Variants in GNB1 observed in about 807,000 individuals in gnomAD.
GNB1 encodes guanine nucleotide-binding protein G(I)/G(S)/G(T) subunit beta-1.
A neutral mutation model predicts 42.9 loss-of-function variants in GNB1; 2 were observed. That is an observed-to-expected ratio of 0.05 (90% CI 0.02 to 0.15). The LOEUF (loss-of-function observed/expected upper bound fraction) is 0.15. Among genes scored for constraint, GNB1 ranks in the 10% least tolerant of loss-of-function variants. The probability of loss-of-function intolerance (pLI) is 1.00; values close to 1 mark genes in which losing one functional copy is unlikely to be tolerated. For missense variants in GNB1, 193 were observed against 462.2 expected (o/e 0.42, Z 5.34); for synonymous variants, 183 against 174.7 (o/e 1.05, Z -0.38).
At chr1:1,871,623 C>T (rs946609595) in intron 1 of GNB1, among the ~76,000 whole-genome samples, 2 of 152,186 alleles carry the variant, frequency 1.3e-5, no homozygotes, top group Non-Finnish European at 2.9e-5. Context: ...ACCAAGACTT[C>T]CAGACTGGAC....
intron 1 of GNB1, among the ~76,000 whole-genome samples, chr1:1,847,620 C>G (rs1478676135): frequency 6.6e-6 from 1 of 152,184 alleles, no homozygotes; most frequent in Non-Finnish European, 1.5e-5. Flanking sequence ...AAGGATTATC[C>G]TGCTGAAGAT....
intron 1 of GNB1, among the ~76,000 whole-genome samples, chr1:1,845,426 A>G (rs1487894362): frequency 6.6e-6 from 1 of 152,108 alleles, no homozygotes; most frequent in African/African-American, 2.4e-5. Context: ...ACAAAAAATT[A>G]GCCAGGTGGG....
chr1:1,870,486 G>A (rs575634810), intron 1 of GNB1, among the ~76,000 whole-genome samples: 9 of 152,278 alleles, frequency 5.9e-5, no homozygotes, highest in Non-Finnish European at 1.0e-4. Context: ...TAATCAGCCC[G>A]TCTTGTTTAA....
intron 1 of GNB1, among the ~76,000 whole-genome samples, chr1:1,867,064 C>T (rs1190873844): frequency 1.3e-5 from 2 of 152,024 alleles, no homozygotes; most frequent in Non-Finnish European, 1.5e-5. Flanking sequence ...GTCAGGAGTT[C>T]GAGACCAGCC....
rs35466451 is a variant in GNB1, at chr1:1,820,356, TAAAAAAAAAA to T, written c.58-2491_58-2482del. ...CCGGGCAACAGAGCGAGACTCTGTT[TAAAAAAAAAA>T]AAAAAAAAAAAAAAGGAACTATACT... On this transcript the variant is annotated intron_variant, in intron 3 of 11. Transcript: ENST00000378609. Among the ~76,000 whole-genome samples, 5 of 101,870 alleles carry T rather than the reference TAAAAAAAAAA, an allele frequency of 4.9e-5. No individual in the cohort carries two copies. In the East Asian group the frequency reaches 1.2e-3, roughly 24 times the overall value. The allele number at this position is 101,870 out of a possible 152,430, so 66.8% of individuals were successfully genotyped here. A position where few individuals can be genotyped will look rare whatever the true frequency, so the allele number is the denominator to read the frequency against.
intron 1 of GNB1, among the ~76,000 whole-genome samples, chr1:1,841,682 T>C (rs2101234988): frequency 6.6e-6 from 1 of 152,310 alleles, no homozygotes; most frequent in East Asian, 1.9e-4. Flanking sequence ...AACTGTGAAT[T>C]CTAATTCATT....
intron 1 of GNB1, among the ~76,000 whole-genome samples, chr1:1,867,862 C>T (rs1649030615): frequency 6.6e-6 from 1 of 152,158 alleles, no homozygotes; most frequent in Non-Finnish European, 1.5e-5. Context: ...CATGACAAAC[C>T]ATCCATTCCC....
intron 3 of GNB1, among the ~76,000 whole-genome samples, chr1:1,820,812 A>G (rs181570424): frequency 3.9e-4 from 60 of 152,336 alleles, no homozygotes; most frequent in African/African-American, 1.4e-3. Flanking sequence ...TAAAAACAAC[A>G]CACAGATAAC....
At chr1:1,838,441 TTTC>T (rs1199144527) in intron 2 of GNB1, among the ~76,000 whole-genome samples, 3 of 143,670 alleles carry the variant, frequency 2.1e-5, no homozygotes, top group African/African-American at 5.1e-5. Flanking sequence ...CTTACTTTTT[TTTC>T]TTTTCTTTTT....
intron 2 of GNB1, among the ~76,000 whole-genome samples, chr1:1,829,998 C>A (rs989485700): frequency 3.9e-5 from 6 of 152,236 alleles, no homozygotes; most frequent in Admixed American, 3.3e-4. Flanking sequence ...CCTCGGCCTC[C>A]CAAAGTGCTG....
At chr1:1,884,830 C>T (rs556665985) in intron 1 of GNB1, among the ~76,000 whole-genome samples, 98 of 151,920 alleles carry the variant, frequency 6.5e-4, no homozygotes, top group Non-Finnish European at 1.1e-3. Context: ...CTACAGGTGC[C>T]TGCCACCACG....
At chr1:1,796,689 A>T (rs1646551008) in intron 7 of GNB1, among the ~76,000 whole-genome samples, 1 of 152,162 alleles carries the variant, frequency 6.6e-6, no homozygotes. Flanking sequence ...GGGAAAACAG[A>T]CCCTGAACAA....
intron 6 of GNB1, among the ~76,000 whole-genome samples, chr1:1,805,774 TCA>T (rs1371987929): frequency 1.3e-5 from 2 of 152,048 alleles, no homozygotes; most frequent in African/African-American, 4.8e-5. Context: ...ACTCCTGACC[TCA>T]GGTGATCCAC....
chr1:1,849,903 C>T (rs372444993), intron 1 of GNB1, among the ~76,000 whole-genome samples: 10 of 152,160 alleles, frequency 6.6e-5, no homozygotes, highest in African/African-American at 2.4e-4. Context: ...TTTCTTCTGC[C>T]CCGTTTTCTT....
chr1:1,831,934 C>T (rs756996454), intron 2 of GNB1, among the ~76,000 whole-genome samples: 3 of 150,794 alleles, frequency 2.0e-5, no homozygotes, highest in Non-Finnish European at 3.0e-5. Flanking sequence ...CAGTGGCACA[C>T]GCCTGTAGTC....
At chr1:1,823,565 C>A (rs1646960717) in intron 3 of GNB1, among the ~76,000 whole-genome samples, 1 of 152,128 alleles carries the variant, frequency 6.6e-6, no homozygotes, top group Admixed American at 6.5e-5. Flanking sequence ...ACATGTTAAA[C>A]AAGTCTGATC....
intron 1 of GNB1, among the ~76,000 whole-genome samples, chr1:1,885,676 C>T (rs1411780259): frequency 2.0e-5 from 3 of 150,058 alleles, no homozygotes; most frequent in Non-Finnish European, 4.4e-5. Context: ...CCTGCCTCAG[C>T]CTCCCAAGTA....
At position 1,806,503 on chromosome 1, in the gene GNB1, A is replaced by T. The variant is rs752746786; in HGVS notation, c.239T>A (p.Ile80Asn). The T allele has an allele frequency of 2.5e-6, 4 of 1,611,416 alleles. No individual in the cohort carries two copies. Among genetic ancestry groups the T allele is most frequent in the Non-Finnish European group, 2.5e-6 (3 of 1,177,774 alleles). The change falls in exon 6 of 12, where the codon ATC (isoleucine) becomes AAC (asparagine). Residue 80 changes from isoleucine to asparagine, a missense_variant. By Grantham distance (149) the Ile-to-Asn change is moderately radical. Transcript: ENST00000378609. ...LVSASQDGKL[I>N]IWDSYTTNKV... Reference sequence around the variant, plus strand: ...GTTGGTGGTGTAGCTGTCCCAGATGATAAGTTTACCATCCTGCGAGGCACT... The same window carrying T: ...GTTGGTGGTGTAGCTGTCCCAGATGTTAAGTTTACCATCCTGCGAGGCACT...
At chr1:1,869,814 A>C (rs938090506) in intron 1 of GNB1, among the ~76,000 whole-genome samples, 1 of 152,200 alleles carries the variant, frequency 6.6e-6, no homozygotes, top group African/African-American at 2.4e-5. Context: ...ACACTTGTAC[A>C]ACACAACTTG....
Sources: gnomAD v4.1 joint callset for allele counts (sites outside exome capture counted in the v4.1 genomes callset) on GRCh38, gnomAD v4.1.1 for gene constraint, MANE v1.5 for transcripts, NCBI Gene and HGNC (gene_info 2026-07-23, HGNC 2026-07-21) for gene names.